CADM1: variants seen among roughly 807,000 people sequenced by gnomAD.
CADM1 encodes TSLC-1.
Under a neutral mutation model 53.1 loss-of-function variants are expected in CADM1, and 15 were observed. The observed-to-expected ratio is 0.28, with a 90% confidence interval of 0.19 to 0.44. The LOEUF (loss-of-function observed/expected upper bound fraction) is 0.44. Ranked by LOEUF, CADM1 falls within the 20% of genes least tolerant of loss-of-function variation. The pLI is 1.00. For synonymous variants in CADM1, 281 were observed against 243.0 expected (o/e 1.16, Z -1.45); for missense variants, 434 against 611.3 (o/e 0.71, Z 3.06).
chr11:115,303,244 T>C (rs1944279816), intron 1 of CADM1, among the ~76,000 whole-genome samples: 1 of 152,026 alleles, frequency 6.6e-6, no homozygotes, highest in African/African-American at 2.4e-5. Flanking sequence ...AGGCAAAGTA[T>C]AAGGGAAACA....
intron 1 of CADM1, among the ~76,000 whole-genome samples, chr11:115,307,737 GA>G (rs1407335262): frequency 6.6e-6 from 1 of 151,822 alleles, no homozygotes; most frequent in Non-Finnish European, 1.5e-5. Flanking sequence ...AAAATTTTAA[GA>G]GAGGATTACC....
intron 1 of CADM1, among the ~76,000 whole-genome samples, chr11:115,370,459 T>A (rs550505370): frequency 3.3e-5 from 5 of 152,112 alleles, no homozygotes; most frequent in Admixed American, 2.0e-4. Context: ...GAGGCCCTCA[T>A]GATGGCATTA....
intron 1 of CADM1, among the ~76,000 whole-genome samples, chr11:115,324,938 G>A (rs1041828963): frequency 1.3e-5 from 2 of 152,112 alleles, no homozygotes; most frequent in African/African-American, 2.4e-5. Context: ...ATTCACCTGC[G>A]CCACGTTATT....
At chr11:115,354,356 T>A (rs936435880) in intron 1 of CADM1, among the ~76,000 whole-genome samples, 2 of 152,042 alleles carry the variant, frequency 1.3e-5, no homozygotes, top group African/African-American at 4.8e-5. Context: ...TGATAAGAGA[T>A]CAAGTGAATA....
At chr11:115,223,876 A>G (rs1278437336) in intron 5 of CADM1, among the ~76,000 whole-genome samples, 1 of 151,956 alleles carries the variant, frequency 6.6e-6, no homozygotes, top group East Asian at 1.9e-4. Flanking sequence ...AATCATAAAT[A>G]CTAAAATAAC....
chr11:115,214,362 G>A, intron 7 of CADM1: 1 of 533,590 alleles, frequency 1.9e-6, no homozygotes, highest in Non-Finnish European at 3.4e-6. Flanking sequence ...TGAGGACACA[G>A]CTTTCCTTCT....
intron 1 of CADM1, among the ~76,000 whole-genome samples, chr11:115,373,235 C>T (rs941432921): frequency 8.5e-5 from 13 of 152,078 alleles, no homozygotes; most frequent in African/African-American, 2.7e-4. Flanking sequence ...GATGCACAGA[C>T]CAATGAGTTA....
intron 1 of CADM1, among the ~76,000 whole-genome samples, chr11:115,285,576 T>C (rs1400494131): frequency 5.3e-5 from 8 of 152,192 alleles, no homozygotes; most frequent in Admixed American, 4.6e-4. Flanking sequence ...AGAAAAGACA[T>C]GGGCTAGAAA....
intron 8 of CADM1, among the ~76,000 whole-genome samples, chr11:115,204,007 AC>A (rs1244019085): frequency 3.9e-5 from 6 of 152,238 alleles, no homozygotes; most frequent in Non-Finnish European, 8.8e-5. Flanking sequence ...CACTAGGTAT[AC>A]TGGCATATCA....
intron 1 of CADM1, among the ~76,000 whole-genome samples, chr11:115,320,654 A>G (rs564727825): frequency 4.8e-4 from 73 of 152,048 alleles, no homozygotes; most frequent in African/African-American, 1.6e-3. Flanking sequence ...TTTATCTTCA[A>G]TGCTTGAGTA....
chr11:115,208,411 TACTG>T (rs1940797986), intron 8 of CADM1, among the ~76,000 whole-genome samples: 1 of 152,130 alleles, frequency 6.6e-6, no homozygotes, highest in African/African-American at 2.4e-5. Flanking sequence ...ATCTCTATCT[TACTG>T]ACTCCCATGA....
intron 1 of CADM1, among the ~76,000 whole-genome samples, chr11:115,341,056 T>G (rs1483896431): frequency 6.6e-6 from 1 of 152,114 alleles, no homozygotes; most frequent in Admixed American, 6.6e-5. Context: ...CAGGCCTACT[T>G]AAGAACTGAT....
chr11:115,442,061 A>G (rs1290398337), intron 1 of CADM1, among the ~76,000 whole-genome samples: 2 of 152,040 alleles, frequency 1.3e-5, no homozygotes, highest in East Asian at 3.9e-4. Context: ...GAAATGTAAT[A>G]TGGTATATAA....
At chr11:115,367,829 T>G (rs1368933004) in intron 1 of CADM1, among the ~76,000 whole-genome samples, 1 of 152,104 alleles carries the variant, frequency 6.6e-6, no homozygotes. Flanking sequence ...AATTCAAATT[T>G]AAGTGAATCC....
At chr11:115,382,135 G>A (rs950542182) in intron 1 of CADM1, among the ~76,000 whole-genome samples, 5 of 152,120 alleles carry the variant, frequency 3.3e-5, no homozygotes, top group East Asian at 1.9e-4. Context: ...GTGAGCCACC[G>A]TGTGTGGCAA....
intron 1 of CADM1, among the ~76,000 whole-genome samples, chr11:115,472,144 CTG>C (rs1281081673): frequency 1.3e-5 from 2 of 152,166 alleles, no homozygotes; most frequent in Non-Finnish European, 2.9e-5. Flanking sequence ...AAAGGGGAAA[CTG>C]AGAATGGTTG....
chr11:115,231,686 G>A (rs1157385430), intron 3 of CADM1, among the ~76,000 whole-genome samples, 196 bp from the exon 4 acceptor site: 1 of 152,142 alleles, frequency 6.6e-6, no homozygotes, highest in Non-Finnish European at 1.5e-5. Context: ...CTAAATTTAT[G>A]TTATAAAATA....
At chr11:115,304,674 A>T (rs1349303069) in intron 1 of CADM1, among the ~76,000 whole-genome samples, 1 of 152,072 alleles carries the variant, frequency 6.6e-6, no homozygotes, top group African/African-American at 2.4e-5. Context: ...TGGATATCAT[A>T]CCACAAACAG....
chr11:115,229,961 G>T (rs936158713), intron 4 of CADM1, among the ~76,000 whole-genome samples: 2 of 152,182 alleles, frequency 1.3e-5, no homozygotes, highest in African/African-American at 4.8e-5. Flanking sequence ...GAAAAGGAGG[G>T]AGGAGGCTTC....
Sources: gnomAD v4.1 joint callset for allele counts (sites outside exome capture counted in the v4.1 genomes callset) on GRCh38, gnomAD v4.1.1 for gene constraint, MANE v1.5 for transcripts, NCBI Gene and HGNC (gene_info 2026-07-23, HGNC 2026-07-21) for gene names.